C3orf20: variants seen among roughly 807,000 people sequenced by gnomAD.
C3orf20 encodes family with sequence similarity 149 member C.
A neutral mutation model predicts 88.3 loss-of-function variants in C3orf20; 76 were observed. The observed-to-expected ratio is 0.86, with a 90% confidence interval of 0.72 to 1.04. C3orf20 has a LOEUF of 1.04. C3orf20 is among the 50% of genes least tolerant of loss of function. The probability of loss-of-function intolerance (pLI) is 0.00; values close to 1 mark genes in which losing one functional copy is unlikely to be tolerated. For synonymous variants in C3orf20, 436 were observed against 437.4 expected, an observed-to-expected ratio of 1.00 and a Z score of 0.04; for missense variants, 1,056 against 1,123.3, an observed-to-expected ratio of 0.94 and a Z score of 0.86.
chr3:14,700,451 A>G (rs2033207270), intron 5 of C3orf20, among the ~76,000 whole-genome samples: 1 of 152,202 alleles, frequency 6.6e-6, no homozygotes, highest in Non-Finnish European at 1.5e-5. Flanking sequence ...GTGTGCATGT[A>G]AAAAACTTAG....
At chr3:14,694,366 C>T (rs2032874733) in intron 5 of C3orf20, among the ~76,000 whole-genome samples, 1 of 152,080 alleles carries the variant, frequency 6.6e-6, no homozygotes. Flanking sequence ...AATCTCGTTA[C>T]TTGTTATTGG....
intron 3 of C3orf20, among the ~76,000 whole-genome samples, chr3:14,683,557 G>A (rs2032227165): frequency 6.6e-6 from 1 of 152,058 alleles, no homozygotes; most frequent in African/African-American, 2.4e-5. Flanking sequence ...GAGCCCAGTA[G>A]AGCCAGAACA....
chr3:14,728,539 T>C lies in C3orf20; in HGVS notation c.1791T>C (p.Ser597=), dbSNP rs771096590. ...ATCCCGAGCGGCTCCCCAAGCTAAG[T>C]TTATACTCAGGAGAAAGTCTTTTAC... ...RTHPERLPKL[S]LYSGESLLRS... The change falls in exon 12 of 17, where the codon AGT becomes AGC. Residue 597 remains serine, a synonymous_variant. Transcript: ENST00000253697. 2 of 1,614,156 alleles carry C rather than the reference T, an allele frequency of 1.2e-6. No individual in the cohort carries two copies. The highest frequency in any genetic ancestry group is 2.2e-5 in the South Asian group (2 of 91,082).
chr3:14,682,671 G>A lies in C3orf20; in HGVS notation c.-43G>A. On this transcript the variant is annotated 5_prime_UTR_variant, in exon 3 of 17. Coordinates refer to ENST00000253697, the MANE Select transcript of C3orf20 (RefSeq NM_032137.5). ...CCGTAGGGAAGAACTTTTGCTCTCAGTCACCTCTCAGAGAGCTCTCTTTAT... is the reference window on the plus strand; with the variant it reads ...CCGTAGGGAAGAACTTTTGCTCTCAATCACCTCTCAGAGAGCTCTCTTTAT... 1 of 1,554,010 alleles carries A rather than the reference G, an allele frequency of 6.4e-7. No homozygotes were observed. The highest frequency in any genetic ancestry group is 8.7e-7 in the Non-Finnish European group (1 of 1,151,844).
Position 14,728,512 on chromosome 3 carries a change from T to C in C3orf20, c.1764T>C (p.Thr588=), listed in dbSNP as rs1307009389. The C allele has an allele frequency of 4.3e-6, 7 of 1,614,080 alleles. No individual in the cohort carries two copies. Among genetic ancestry groups the C allele is most frequent in the Non-Finnish European group, 5.9e-6 (7 of 1,180,040 alleles). Residue 588 remains threonine, a synonymous_variant, in exon 12 of 17, where the codon ACT becomes ACC. Transcript: ENST00000253697. ...EFVRFKMRSR[T]HPERLPKLSL... ...TTCGGTTCAAGATGAGATCCAGAAC[T>C]CATCCCGAGCGGCTCCCCAAGCTAA...
At position 14,757,591 on chromosome 3, in the gene C3orf20, T is replaced by TA. The variant is rs768710850; in HGVS notation, c.2162dup (p.Tyr721Ter). The stretch of plus-strand genomic sequence containing the variant: ...GTTTGGGATCATCTCAAGCCAGAAC[T>TA]ACACCAGCACTGGGCAGCTCCAGTG... ...LVFGIISSQNYTSTGQLQWLL... is the reference protein window; with the variant it reads ...LVFGIISSQN The change falls in exon 13 of 17, where the codon TAC (tyrosine) becomes TAAC (stop). Residue 721 changes from tyrosine (Y) to a stop codon, truncating the protein, a stop_gained and frameshift_variant. Transcript: ENST00000253697. LOFTEE classifies it high-confidence loss of function. The TA allele has an allele frequency of 1.9e-6, 3 of 1,613,910 alleles. No individual in the cohort carries two copies. The highest frequency in any genetic ancestry group is 2.5e-6 in the Non-Finnish European group (3 of 1,179,986).
intron 5 of C3orf20, among the ~76,000 whole-genome samples, chr3:14,700,535 G>A (rs562848796): frequency 6.6e-5 from 10 of 152,244 alleles, no homozygotes; most frequent in African/African-American, 9.6e-5. Context: ...TCAAGGACTC[G>A]GGGGATTGCT....
intron 4 of C3orf20, among the ~76,000 whole-genome samples, chr3:14,685,404 A>G (rs2032342286): frequency 6.6e-6 from 1 of 150,464 alleles, no homozygotes; most frequent in African/African-American, 2.5e-5. Context: ...TTGAGTCTGT[A>G]ATGTTCTTTT....
chr3:14,680,989 G>A (rs1036413558), intron 1 of C3orf20, among the ~76,000 whole-genome samples: 1 of 152,252 alleles, frequency 6.6e-6, no homozygotes, highest in Admixed American at 6.5e-5. Context: ...GGCGTAGGAA[G>A]CCACTATCTG....
At chr3:14,699,989 C>T (rs67544511) in intron 5 of C3orf20, among the ~76,000 whole-genome samples, 30,190 of 152,200 alleles carry the variant, frequency 0.2, 3,142 homozygotes, top group Non-Finnish European at 0.22. Flanking sequence ...CATGAGTGGG[C>T]TTCAGCTGAG....
chr3:14,684,333 G>C lies in C3orf20; in HGVS notation c.576G>C (p.Leu192=). 6.2e-7 allele frequency: 1 copy of C among 1,614,188 alleles called. No individual in the cohort carries two copies. Among genetic ancestry groups the C allele is most frequent in the Non-Finnish European group, 8.5e-7 (1 of 1,180,030 alleles). Residue 192 remains leucine (L), a synonymous_variant, in exon 4 of 17, where the codon CTG becomes CTC. Transcript: ENST00000253697. ...CCAAGGAGATGGCCTTCAACTGCCTGATCAGCACAGCCGGGAGAAGTGGCT... is the reference window on the plus strand; with the variant it reads ...CCAAGGAGATGGCCTTCAACTGCCTCATCAGCACAGCCGGGAGAAGTGGCT... The part of the protein sequence containing the change: ...LNAKEMAFNC[L]ISTAGRSGYS...
chr3:14,692,575 C>T (rs754511673), intron 5 of C3orf20, among the ~76,000 whole-genome samples: 1 of 152,122 alleles, frequency 6.6e-6, no homozygotes, highest in African/African-American at 2.4e-5. Flanking sequence ...AAAGATCACT[C>T]AATCAGATTA....
rs200928244 is a variant in C3orf20, at chr3:14,714,023, G to A, written c.1177G>A (p.Val393Ile). Residue 393 changes from valine (V) to isoleucine (I), a missense_variant, in exon 8 of 17, where the codon GTC becomes ATC. Coordinates refer to ENST00000253697, the MANE Select transcript of C3orf20 (RefSeq NM_032137.5). ...TTCTGCCAGCTATCCCTCTGGAAAC[G>A]TCGCTGTATGTCAGATCCCCACATG... ...SSFVYYPSGNVAVCQIPTCCR... is the reference protein window; with the variant it reads ...SSFVYYPSGNIAVCQIPTCCR... 196 of 1,613,942 alleles carry A rather than the reference G, an allele frequency of 1.2e-4. 2 individuals carry two copies. Among genetic ancestry groups the A allele is most frequent in the Non-Finnish European group, 1.4e-4 (166 of 1,180,004 alleles).
At chr3:14,743,645 C>T (rs2034979436) in intron 12 of C3orf20, among the ~76,000 whole-genome samples, 2 of 152,058 alleles carry the variant, frequency 1.3e-5, no homozygotes, top group Admixed American at 1.3e-4. Context: ...GGACCTCACC[C>T]CTGCAGCAAA....
chr3:14,763,941 C>T (rs1287244298), intron 15 of C3orf20, among the ~76,000 whole-genome samples: 1 of 152,154 alleles, frequency 6.6e-6, no homozygotes, highest in East Asian at 1.9e-4. Context: ...CAGTCTTCAA[C>T]AATTGTTCAG....
At chr3:14,681,830 C>G (rs1575084434) in intron 1 of C3orf20, among the ~76,000 whole-genome samples, 1 of 152,210 alleles carries the variant, frequency 6.6e-6, no homozygotes, top group East Asian at 1.9e-4. Flanking sequence ...TTAAATTGTT[C>G]TTTATGCTTC....
intron 11 of C3orf20, 139 bp from the exon 12 acceptor site, chr3:14,728,300 A>G: frequency 3.3e-6 from 3 of 914,048 alleles, no homozygotes; most frequent in Non-Finnish European, 5.1e-6. Context: ...AGCAGAGGGG[A>G]GGTGCCGGAG....
At chr3:14,709,044 A>G (rs1317391957) in intron 7 of C3orf20, among the ~76,000 whole-genome samples, 3 of 152,256 alleles carry the variant, frequency 2.0e-5, no homozygotes, top group Non-Finnish European at 4.4e-5. Context: ...AAATTATGCC[A>G]TTTGCAACAG....
At chr3:14,758,061 G>C (rs1407284764) in intron 13 of C3orf20, among the ~76,000 whole-genome samples, 3 of 152,200 alleles carry the variant, frequency 2.0e-5, no homozygotes, top group African/African-American at 7.2e-5. Flanking sequence ...ACTGTCACAA[G>C]TACCCACTGT....
Sources: allele counts gnomAD v4.1 joint callset (sites outside exome capture counted in the v4.1 genomes callset), GRCh38; gene constraint gnomAD v4.1.1; transcripts MANE v1.5; gene names NCBI Gene and HGNC (gene_info 2026-07-23, HGNC 2026-07-21).